The following PTPRD variants were observed in gnomAD, a reference collection of about 807,000 sequenced individuals.
PTPRD encodes the protein protein tyrosine phosphatase receptor type D, also known as receptor-type tyrosine-protein phosphatase delta.
PTPRD carries 34 observed loss-of-function variants against 214.5 expected under a neutral mutation model. The observed-to-expected ratio is 0.16, with a 90% CI of 0.12 to 0.21. The LOEUF is 0.21. Ranked by LOEUF, PTPRD falls within the 10% of genes least tolerant of loss-of-function variation. The pLI, the probability that PTPRD is intolerant of heterozygous loss-of-function variation, is 1.00. For synonymous variants in PTPRD, 1,128 were observed against 845.7 expected (o/e 1.33, Z -5.79); for missense variants, 2,545 against 2,398.7 (o/e 1.06, Z -1.27).
intron 5 of PTPRD, among the ~76,000 whole-genome samples, chr9:9,910,939 T>C (rs1358738903): frequency 6.6e-6 from 1 of 151,844 alleles, no homozygotes; most frequent in African/African-American, 2.4e-5. Context: ...CTCATTCCAG[T>C]GGGAATCATT....
chr9:9,742,446 T>G (rs2098413848), intron 6 of PTPRD, among the ~76,000 whole-genome samples: 1 of 152,204 alleles, frequency 6.6e-6, no homozygotes, highest in Non-Finnish European at 1.5e-5. Context: ...AATGGTAATT[T>G]ATAGAAATAT....
intron 9 of PTPRD, among the ~76,000 whole-genome samples, chr9:9,239,693 T>C (rs1373918797): frequency 1.3e-5 from 2 of 152,130 alleles, no homozygotes; most frequent in African/African-American, 4.8e-5. Context: ...CTGAAGACAT[T>C]TGTGTATCTA....
At chr9:8,474,284 C>A (rs2096718840) in intron 30 of PTPRD, among the ~76,000 whole-genome samples, 1 of 152,136 alleles carries the variant, frequency 6.6e-6, no homozygotes, top group Non-Finnish European at 1.5e-5. Context: ...CCCCCAGCAT[C>A]TCCTTTCTCT....
intron 14 of PTPRD, among the ~76,000 whole-genome samples, chr9:8,547,812 A>T (rs557798170): frequency 6.6e-6 from 1 of 152,350 alleles, no homozygotes; most frequent in African/African-American, 2.4e-5. Context: ...GTTTGTACAA[A>T]GCACATGTTT....
intron 11 of PTPRD, among the ~76,000 whole-genome samples, chr9:8,863,767 G>C (rs375562925): frequency 6.6e-6 from 1 of 151,978 alleles, no homozygotes; most frequent in Non-Finnish European, 1.5e-5. Context: ...CTCTAAATTT[G>C]TTTCACTGAG....
chr9:9,171,771 T>C (rs1213526729), intron 10 of PTPRD, among the ~76,000 whole-genome samples: 4 of 152,118 alleles, frequency 2.6e-5, no homozygotes, highest in Non-Finnish European at 5.9e-5. Context: ...GAAGCAATTA[T>C]GTAACAGCCT....
intron 12 of PTPRD, among the ~76,000 whole-genome samples, chr9:8,660,077 A>C (rs377644587): frequency 6.6e-6 from 1 of 152,308 alleles, no homozygotes; most frequent in South Asian, 2.1e-4. Context: ...ACCACTTCCT[A>C]ATGAATTGCA....
chr9:10,117,582 C>A (rs112956521), intron 3 of PTPRD, among the ~76,000 whole-genome samples: 1 of 147,934 alleles, frequency 6.8e-6, no homozygotes, highest in Non-Finnish European at 1.5e-5. Context: ...CTTCACTTGG[C>A]CTTCTTCCCT....
intron 10 of PTPRD, among the ~76,000 whole-genome samples, chr9:9,172,342 C>A (rs759237213): frequency 3.9e-5 from 6 of 152,080 alleles, no homozygotes; most frequent in Non-Finnish European, 7.4e-5. Flanking sequence ...TCAACAATGA[C>A]ACAGTAGCAA....
intron 5 of PTPRD, among the ~76,000 whole-genome samples, chr9:9,834,101 A>T (rs2055957205): frequency 6.6e-6 from 1 of 152,098 alleles, no homozygotes; most frequent in African/African-American, 2.4e-5. Flanking sequence ...TAGAGATTGC[A>T]GTAAAGACAG....
chr9:9,039,514 G>GT (rs537530646), intron 10 of PTPRD, among the ~76,000 whole-genome samples: 12 of 152,110 alleles, frequency 7.9e-5, no homozygotes, highest in Non-Finnish European at 1.5e-4. Context: ...TGTAAATAAG[G>GT]TTTTTTGTGG....
chr9:8,780,220 T>C (rs942911367), intron 11 of PTPRD, among the ~76,000 whole-genome samples: 2 of 152,214 alleles, frequency 1.3e-5, no homozygotes, highest in Non-Finnish European at 2.9e-5. Flanking sequence ...GTAAAAATTC[T>C]AGATAATTAT....
At chr9:9,824,065 A>T (rs1164014918) in intron 5 of PTPRD, among the ~76,000 whole-genome samples, 1 of 152,016 alleles carries the variant, frequency 6.6e-6, no homozygotes, top group Non-Finnish European at 1.5e-5. Flanking sequence ...GCACAAAATT[A>T]TTAAAAATAT....
chr9:8,919,319 G>T lies in PTPRD; in HGVS notation c.-104+99378C>A, dbSNP rs187841786. On this transcript the variant is annotated intron_variant, in intron 11 of 45. Transcript: ENST00000381196. ...GAGGCAGGAGAATCGCTTGAACCTG[G>T]GGGGTGGAGGTGCAGTGAGCCGAGG... is the stretch of plus-strand genomic sequence containing the variant. 2.0e-4 allele frequency among the ~76,000 whole-genome samples: 31 copies of T among 151,824 alleles called. 1 individual carries two copies. The East Asian group carries it at 5.1e-3, about 25-fold the overall frequency.
At chr9:10,006,275 T>C (rs1261810541) in intron 4 of PTPRD, among the ~76,000 whole-genome samples, 2 of 152,044 alleles carry the variant, frequency 1.3e-5, no homozygotes, top group East Asian at 1.9e-4. Context: ...TAGCATTTGA[T>C]ACAAGCCTTT....
At chr9:8,664,664 T>C (rs2097135151) in intron 12 of PTPRD, among the ~76,000 whole-genome samples, 1 of 152,228 alleles carries the variant, frequency 6.6e-6, no homozygotes, top group Non-Finnish European at 1.5e-5. Context: ...TCCTCTTAAA[T>C]GCATGTTTGC....
rs1238333679 is a variant in PTPRD at position 9,745,435 on chromosome 9, C to A, written c.-325-10864G>T. Among the ~76,000 whole-genome samples the A allele has an allele frequency of 4.6e-5, 7 of 152,100 alleles. No homozygotes were observed. The East Asian group carries it at 1.3e-3, about 29-fold the overall frequency. On this transcript the variant is annotated intron_variant, in intron 6 of 45. Coordinates refer to ENST00000381196, the MANE Select transcript of PTPRD (RefSeq NM_002839.4). ...AAGTTTTCCTTTCTCTTTCTTCCAG[C>A]AAAATGACTCAGACTATGAAATTAA...
At chr9:8,822,658 G>A (rs1465925177) in intron 11 of PTPRD, among the ~76,000 whole-genome samples, 1 of 152,132 alleles carries the variant, frequency 6.6e-6, no homozygotes, top group Non-Finnish European at 1.5e-5. Flanking sequence ...TTTGTGTTAT[G>A]CATTATACCT....
chr9:8,853,379 G>C (rs1205953718), intron 11 of PTPRD, among the ~76,000 whole-genome samples: 1 of 152,078 alleles, frequency 6.6e-6, no homozygotes, highest in Non-Finnish European at 1.5e-5. Flanking sequence ...TCTTTCTTAA[G>C]GGCTTAATTG....
Sources: gnomAD v4.1 joint callset for allele counts (sites outside exome capture counted in the v4.1 genomes callset) on GRCh38, gnomAD v4.1.1 for gene constraint, MANE v1.5 for transcripts, NCBI Gene and HGNC (gene_info 2026-07-23, HGNC 2026-07-21) for gene names.